Variants in MYO18B observed in about 807,000 individuals in gnomAD.
MYO18B encodes unconventional myosin-XVIIIb.
MYO18B carries 204 observed loss-of-function variants against 273.0 expected under a neutral mutation model. That is an observed-to-expected ratio of 0.75 (90% confidence interval 0.67 to 0.84). The LOEUF (loss-of-function observed/expected upper bound fraction) is 0.84, where lower values mean the gene tolerates loss of function less well. Among genes scored for constraint, MYO18B ranks in the 40% least tolerant of loss-of-function variants. MYO18B has a pLI of 0.00. For synonymous variants in MYO18B, 1,330 were observed against 1,305.7 expected (o/e 1.02, Z -0.40); for missense variants, 3,212 against 3,287.6 (o/e 0.98, Z 0.56).
At chr22:25,847,343 G>A (rs909571018) in intron 19 of MYO18B, 87 bp from the exon 20 acceptor site, 10 of 1,233,320 alleles carry the variant, frequency 8.1e-6, no homozygotes, top group Non-Finnish European at 1.1e-5. Context: ...TGCTCAGGTT[G>A]GGCTTAATGA....
chr22:25,762,199 C>T (rs1825091487), intron 2 of MYO18B, among the ~76,000 whole-genome samples: 1 of 152,186 alleles, frequency 6.6e-6, no homozygotes, highest in Admixed American at 6.5e-5. Context: ...TTGATGTGGG[C>T]CCTGCAGTGC....
At chr22:25,858,444 C>T (rs2090637480) in intron 21 of MYO18B, among the ~76,000 whole-genome samples, 2 of 152,202 alleles carry the variant, frequency 1.3e-5, no homozygotes, top group South Asian at 2.1e-4. Context: ...TCATATCAAA[C>T]TGTTCATTGA....
chr22:26,049,961 T>C, the MYO18B span, among the ~76,000 whole-genome samples: 1 of 152,232 alleles, frequency 6.6e-6, no homozygotes, highest in East Asian at 1.9e-4. Context: ...ACATTGGAGC[T>C]TCTAAAAATT....
intron 15 of MYO18B, among the ~76,000 whole-genome samples, chr22:25,832,673 T>C (rs1357731786): frequency 6.6e-6 from 1 of 152,210 alleles, no homozygotes. Context: ...AAGAAAGTTC[T>C]GGAGATGGTT....
At chr22:26,002,790 G>GGGAT (rs10666677) in intron 40 of MYO18B, among the ~76,000 whole-genome samples, 12,458 of 152,036 alleles carry the variant, frequency 0.082, 1,359 homozygotes, top group African/African-American at 0.24. Flanking sequence ...GTTGAATGGA[G>GGGAT]GGATGCTCTC....
intron 1 of MYO18B, among the ~76,000 whole-genome samples, chr22:25,758,781 A>T (rs1419094759): frequency 6.7e-6 from 1 of 150,372 alleles, no homozygotes; most frequent in Non-Finnish European, 1.5e-5. Context: ...TTTTGGAGAC[A>T]GAGTCTCACT....
intron 1 of MYO18B, among the ~76,000 whole-genome samples, chr22:25,758,904 G>A (rs944901231): frequency 7.9e-5 from 12 of 151,930 alleles, no homozygotes; most frequent in Non-Finnish European, 1.2e-4. Context: ...ATAGGCACCC[G>A]CCACCATGCC....
At position 25,898,315 on chromosome 22, in the gene MYO18B, G is replaced by A. The variant is rs377042318; in HGVS notation, c.4677G>A (p.Glu1559=). 16 of 1,613,414 alleles carry A rather than the reference G, an allele frequency of 9.9e-6. No homozygotes were observed. The African/African-American group carries it at 2.0e-4, about 20-fold the overall frequency. Residue 1559 remains glutamate (E), a synonymous_variant, in exon 29 of 44, where the codon GAG becomes GAA. Coordinates refer to ENST00000335473, the MANE Select transcript of MYO18B (RefSeq NM_032608.7). ...TTCTATTACTCTTACAGCTTGGGGA[G>A]TTGCAAAGTGCTTATGACGGGGCCA... ...ARKELEQKLG[E]LQSAYDGAKK... is the part of the protein sequence containing the mutation.
intron 22 of MYO18B, among the ~76,000 whole-genome samples, chr22:25,871,325 T>A (rs1368354956): frequency 6.6e-6 from 1 of 152,178 alleles, no homozygotes; most frequent in Non-Finnish European, 1.5e-5. Context: ...TAAAGTGTCA[T>A]TTAACAGGGG....
Position 25,847,449 on chromosome 22 carries a change from T to A in MYO18B, c.3572T>A (p.Ile1191Asn), listed in dbSNP as rs1254000870. 1 of 1,572,832 alleles carries A rather than the reference T, an allele frequency of 6.4e-7. No individual in the cohort carries two copies. The highest frequency in any genetic ancestry group is 2.4e-5 in the East Asian group (1 of 42,510). The part of the protein sequence containing the change: ...KLQMDALTSM[I>N]KRSRLHFIHC... ...GTCTAGGATGCGCTGACCAGCATGA[T>A]CAAAAGGTCCCGGCTGCACTTTATC... Residue 1191 changes from isoleucine (I) to asparagine (N), a missense_variant, in exon 20 of 44, where the codon ATC becomes AAC. Ile to Asn is a moderately radical substitution (Grantham distance 149, BLOSUM62 -3). Coordinates refer to ENST00000335473, the MANE Select transcript of MYO18B (RefSeq NM_032608.7).
intron 42 of MYO18B, among the ~76,000 whole-genome samples, chr22:26,010,142 A>AC (rs1934777046): frequency 6.6e-6 from 1 of 151,624 alleles, no homozygotes; most frequent in South Asian, 2.1e-4. Flanking sequence ...CTTGTATTCT[A>AC]CCCCCCACCC....
At chr22:25,808,747 G>A (rs1296823522) in intron 12 of MYO18B, among the ~76,000 whole-genome samples, 1 of 152,168 alleles carries the variant, frequency 6.6e-6, no homozygotes, top group East Asian at 1.9e-4. Flanking sequence ...TGACTCCTTT[G>A]ACCTGTGAGA....
At chr22:25,764,283 TG>T (rs752203061) in intron 3 of MYO18B, among the ~76,000 whole-genome samples, 18 of 152,230 alleles carry the variant, frequency 1.2e-4, no homozygotes, top group Admixed American at 1.2e-3. Flanking sequence ...ATTTCTCTCT[TG>T]TCCTCTTTAG....
At chr22:25,890,896 A>AG in intron 26 of MYO18B, 21 bp downstream of exon 26, 1 of 1,558,366 alleles carries the variant, frequency 6.4e-7, no homozygotes, top group Non-Finnish European at 8.8e-7. Flanking sequence ...AGGGGTGGCC[A>AG]GGGGTGGCTG....
Position 26,026,669 on chromosome 22 carries a change from G to A in MYO18B, c.6695G>A (p.Ser2232Asn), listed in dbSNP as rs377466051. The part of the protein sequence containing the change: ...EPASSPLASR[S>N]TNTSPLSREK... ...GCTTCCTCTCCCCTGGCTTCTCGGA[G>A]TACAAATACATCCCCGCTGTCGAGG... Residue 2232 changes from serine to asparagine, a missense_variant, in exon 43 of 44, where the codon AGT (serine) becomes AAT (asparagine). By Grantham distance (46) the Ser-to-Asn change is conservative (BLOSUM62 1). Transcript: ENST00000335473. 68 of 1,613,908 alleles carry A rather than the reference G, an allele frequency of 4.2e-5. No individual in the cohort carries two copies. In the African/African-American group the frequency reaches 8.5e-4, roughly 20 times the overall value.
rs1473607403 is a variant in MYO18B at position 25,948,425 on chromosome 22, TC to T, written c.5748+599del. 2.0e-4 allele frequency among the ~76,000 whole-genome samples: 24 copies of T among 121,684 alleles called. No individual in the cohort carries two copies. The East Asian group carries it at 3.3e-3, about 17-fold the overall frequency. The allele number at this position is 121,684 out of a possible 152,430, so 79.8% of individuals were successfully genotyped here. On this transcript the variant is annotated intron_variant, in intron 36 of 43. Transcript: ENST00000335473. ...TCCTGTCTTTCCTTCCTTCCTTCCT[TC>T]CTTCCTTCCTTCCTTCCTTCCTTCC...
intron 25 of MYO18B, among the ~76,000 whole-genome samples, chr22:25,879,103 G>T (rs2091272853): frequency 6.6e-6 from 1 of 152,220 alleles, no homozygotes; most frequent in African/African-American, 2.4e-5. Flanking sequence ...GCTAAATTCA[G>T]TGCACCACCT....
chr22:25,920,291 A>C (rs555400673), intron 33 of MYO18B, among the ~76,000 whole-genome samples: 37 of 152,304 alleles, frequency 2.4e-4, no homozygotes, highest in African/African-American at 8.2e-4. Context: ...GAAGAGTCCA[A>C]GAAGGGAGTT....
At chr22:25,940,736 TTCCAGG>T (rs1168968623) in intron 34 of MYO18B, among the ~76,000 whole-genome samples, 1 of 152,198 alleles carries the variant, frequency 6.6e-6, no homozygotes, top group African/African-American at 2.4e-5. Context: ...AACTCCAGGC[TTCCAGG>T]ACCCACAATC....
Sources: allele counts gnomAD v4.1 joint callset (sites outside exome capture counted in the v4.1 genomes callset), GRCh38; gene constraint gnomAD v4.1.1; transcripts MANE v1.5; gene names NCBI Gene and HGNC (gene_info 2026-07-23, HGNC 2026-07-21).